RSU1: variants seen among roughly 807,000 people sequenced by gnomAD.
RSU1 encodes Ras suppressor protein 1.
RSU1 carries 26 observed loss-of-function variants against 31.1 expected under a neutral mutation model. The observed-to-expected ratio is 0.84, with a 90% CI of 0.61 to 1.16. The LOEUF (loss-of-function observed/expected upper bound fraction) is 1.16, where lower values mean the gene tolerates loss of function less well. RSU1 is among the 50% of genes most tolerant of loss of function. RSU1 has a pLI of 0.00. For missense variants in RSU1, 320 were observed against 339.1 expected, an observed-to-expected ratio of 0.94 and a Z score of 0.44; for synonymous variants, 164 against 136.3, an observed-to-expected ratio of 1.20 and a Z score of -1.41.
chr10:16,664,188 T>C (rs1162411131), intron 8 of RSU1, among the ~76,000 whole-genome samples: 1 of 152,164 alleles, frequency 6.6e-6, no homozygotes, highest in Middle Eastern at 3.2e-3. Context: ...TTTATGTTAA[T>C]TTTAGAAGTT....
At position 16,638,947 on chromosome 10, in the gene RSU1, C is replaced by T. The variant is rs149888858; in HGVS notation, c.732-45451G>A. ...GTGTTTTAAATGACTTTGTAAAACC[C>T]AGACTTGGCATCAACAGAAATAACA... is the stretch of plus-strand genomic sequence containing the variant. On this transcript the variant is annotated intron_variant, in intron 8 of 8. Coordinates refer to ENST00000345264, the MANE Select transcript of RSU1 (RefSeq NM_012425.4). Among the ~76,000 whole-genome samples the T allele has an allele frequency of 4.3e-3, 659 of 152,254 alleles. 3 individuals are homozygous for T. Among genetic ancestry groups the T allele is most frequent in the Non-Finnish European group, 6.2e-3 (424 of 68,024 alleles).
At chr10:16,634,854 T>C (rs1291511645) in intron 8 of RSU1, among the ~76,000 whole-genome samples, 7 of 152,260 alleles carry the variant, frequency 4.6e-5, no homozygotes, top group African/African-American at 1.4e-4. Flanking sequence ...GCTGACTTTC[T>C]ATAGTGATAG....
At chr10:16,701,915 G>C in intron 7 of RSU1, among the ~76,000 whole-genome samples, 1 of 152,318 alleles carries the variant, frequency 6.6e-6, no homozygotes, top group South Asian at 2.1e-4. Flanking sequence ...GCCTTATGTT[G>C]CAAGTTGAAA....
chr10:16,604,664 T>A (rs1369314992), intron 8 of RSU1, among the ~76,000 whole-genome samples: 1 of 152,070 alleles, frequency 6.6e-6, no homozygotes, highest in Non-Finnish European at 1.5e-5. Context: ...CCATTCCCAT[T>A]TGACAGGTGG....
intron 8 of RSU1, among the ~76,000 whole-genome samples, chr10:16,689,178 A>G (rs970807141): frequency 3.8e-4 from 58 of 152,300 alleles, no homozygotes; most frequent in Non-Finnish European, 4.4e-4. Context: ...TTTACTAACC[A>G]CTAGAAAGAT....
intron 2 of RSU1, among the ~76,000 whole-genome samples, chr10:16,788,599 C>G (rs1265839044): frequency 6.6e-6 from 1 of 152,164 alleles, no homozygotes; most frequent in Non-Finnish European, 1.5e-5. Context: ...GAATAAAAAA[C>G]TTCTGTTGTT....
chr10:16,607,631 G>A (rs1296738389), intron 8 of RSU1, among the ~76,000 whole-genome samples: 1 of 152,170 alleles, frequency 6.6e-6, no homozygotes, highest in Admixed American at 6.5e-5. Flanking sequence ...GTGCTCTGTT[G>A]GAATGTGCCA....
chr10:16,606,607 T>C (rs1034995966), intron 8 of RSU1, among the ~76,000 whole-genome samples: 4 of 152,140 alleles, frequency 2.6e-5, no homozygotes, highest in African/African-American at 7.2e-5. Flanking sequence ...AGGATTCCTG[T>C]AGTGTGCACA....
At chr10:16,716,620 G>C (rs1472460936) in intron 7 of RSU1, among the ~76,000 whole-genome samples, 1 of 152,060 alleles carries the variant, frequency 6.6e-6, no homozygotes, top group Non-Finnish European at 1.5e-5. Flanking sequence ...TGCCTCTTCA[G>C]GAGGCACTGA....
intron 3 of RSU1, among the ~76,000 whole-genome samples, chr10:16,776,037 C>A (rs958798873): frequency 6.6e-6 from 1 of 152,112 alleles, no homozygotes; most frequent in Non-Finnish European, 1.5e-5. Context: ...AGAACTTTTG[C>A]ATAAAGCATG....
Position 16,664,163 on chromosome 10 carries a change from A to G in RSU1, c.731+30860T>C, listed in dbSNP as rs150647657. Among the ~76,000 whole-genome samples the G allele has an allele frequency of 1.0e-2, 1,518 of 152,294 alleles. 9 individuals are homozygous for G. The highest frequency in any genetic ancestry group is 0.017 in the Non-Finnish European group (1,135 of 68,018). On this transcript the variant is annotated intron_variant, in intron 8 of 8. Coordinates refer to ENST00000345264, the MANE Select transcript of RSU1 (RefSeq NM_012425.4). ...CTCCTTTAACACATGACTCTATTTTATAAGGAAGAAAGGCTTTATGTTAAT... is the reference window on the plus strand; with the variant it reads ...CTCCTTTAACACATGACTCTATTTTGTAAGGAAGAAAGGCTTTATGTTAAT...
intron 8 of RSU1, among the ~76,000 whole-genome samples, chr10:16,684,569 C>A (rs944691475): frequency 1.3e-5 from 2 of 152,198 alleles, no homozygotes; most frequent in East Asian, 3.9e-4. Flanking sequence ...TGATGTGAAG[C>A]AGCACAGGGG....
chr10:16,650,827 T>G (rs1189913123), intron 8 of RSU1, among the ~76,000 whole-genome samples: 1 of 152,134 alleles, frequency 6.6e-6, no homozygotes, highest in African/African-American at 2.4e-5. Context: ...GTGATCTGCC[T>G]GCCTTGGCCT....
rs767250266 is a variant in RSU1, at chr10:16,593,137, C to T, written c.*257G>A. On this transcript the variant is annotated 3_prime_UTR_variant, in exon 9 of 9. Transcript: ENST00000345264. ...AAAAGCCAGAGCCCACTATGGAATT[C>T]GCAGTTGAATAAGAGCTTTGTTCCC... 6.6e-5 allele frequency: 29 copies of T among 438,964 alleles called. No homozygotes were observed. The highest frequency in any genetic ancestry group is 1.3e-4 in the East Asian group (3 of 22,508). The allele number at this position is 438,964 out of a possible 1,614,324, so 27.2% of individuals were successfully genotyped here. A position where few individuals can be genotyped will look rare whatever the true frequency, so the allele number is the denominator to read the frequency against.
intron 7 of RSU1, among the ~76,000 whole-genome samples, chr10:16,744,894 G>A (rs3780987): frequency 0.21 from 31,554 of 151,854 alleles, 3,422 homozygotes; most frequent in African/African-American, 0.25. Flanking sequence ...CTTTTCCCTC[G>A]CTTTTCTCTT....
intron 8 of RSU1, among the ~76,000 whole-genome samples, chr10:16,682,901 C>A (rs1228051269): frequency 6.6e-6 from 1 of 152,084 alleles, no homozygotes; most frequent in Non-Finnish European, 1.5e-5. Flanking sequence ...GTGAAGGACA[C>A]AATAGGGGTT....
chr10:16,622,670 T>C (rs529751775), intron 8 of RSU1, among the ~76,000 whole-genome samples: 2 of 152,282 alleles, frequency 1.3e-5, no homozygotes, highest in South Asian at 2.1e-4. Context: ...CTGAGCTCCC[T>C]GAAAGATGAG....
intron 8 of RSU1, among the ~76,000 whole-genome samples, chr10:16,636,660 A>T (rs1276640996): frequency 6.6e-6 from 1 of 152,136 alleles, no homozygotes; most frequent in Non-Finnish European, 1.5e-5. Flanking sequence ...ACTCCTTCAA[A>T]TGGTGCAGGA....
intron 2 of RSU1, among the ~76,000 whole-genome samples, chr10:16,809,833 T>C (rs1161114939): frequency 9.1e-6 from 1 of 110,448 alleles, no homozygotes; most frequent in Non-Finnish European, 2.1e-5. Flanking sequence ...AGTGTTATAG[T>C]TCTTATGGTG....
Sources: gnomAD v4.1 joint callset for allele counts (sites outside exome capture counted in the v4.1 genomes callset) on GRCh38, gnomAD v4.1.1 for gene constraint, MANE v1.5 for transcripts, NCBI Gene and HGNC (gene_info 2026-07-23, HGNC 2026-07-21) for gene names.